The following PDE10A variants were observed in gnomAD, a reference collection of about 807,000 sequenced individuals.
The protein encoded by PDE10A is phosphodiesterase 10A, also known as cAMP and cAMP-inhibited cGMP 3',5'-cyclic phosphodiesterase 10A.
PDE10A carries 39 observed loss-of-function variants against 97.7 expected under a neutral mutation model. The ratio of observed to expected loss-of-function variants is 0.40; its 90% CI spans 0.31 to 0.52. PDE10A has a LOEUF of 0.52. PDE10A is among the 20% of genes least tolerant of loss of function. PDE10A has a pLI of 0.56. For missense variants in PDE10A, 731 were observed against 1,047.8 expected, an observed-to-expected ratio of 0.70 and a Z score of 4.17; for synonymous variants, 371 against 376.8, an observed-to-expected ratio of 0.98 and a Z score of 0.18.
intron 2 of PDE10A, among the ~76,000 whole-genome samples, chr6:165,494,271 A>T (rs796469904): frequency 4.6e-5 from 7 of 152,244 alleles, no homozygotes; most frequent in Admixed American, 1.3e-4. Context: ...GATTCCTTAA[A>T]GAACTAAAAG....
intron 1 of PDE10A, among the ~76,000 whole-genome samples, chr6:165,681,719 C>T (rs1421083633): frequency 1.3e-5 from 2 of 152,150 alleles, no homozygotes; most frequent in African/African-American, 2.4e-5. Flanking sequence ...AATACACTGG[C>T]TGTTTACTCA....
intron 13 of PDE10A, among the ~76,000 whole-genome samples, chr6:165,412,178 T>C (rs80204409): frequency 0.022 from 3,368 of 152,210 alleles, 131 homozygotes; most frequent in African/African-American, 0.076. Flanking sequence ...ATCTTATAAA[T>C]AGAAATTATC....
chr6:165,399,485 GGTTT>G (rs1388650209), intron 13 of PDE10A, among the ~76,000 whole-genome samples: 9 of 152,102 alleles, frequency 5.9e-5, no homozygotes, highest in African/African-American at 1.9e-4. Flanking sequence ...ACAACGTGCA[GGTTT>G]GTTACATATG....
rs575268014 is a variant in PDE10A, at chr6:165,410,467, G to T, written c.2076+3034C>A. Among the ~76,000 whole-genome samples the T allele has an allele frequency of 7.8e-5, 11 of 140,358 alleles. No homozygotes were observed. The East Asian group carries it at 2.2e-3, about 28-fold the overall frequency. The allele number at this position is 140,358 out of a possible 152,430, so 92.1% of individuals were successfully genotyped here. ...CAAATTTCTCACTGTAACAAAAAAA[G>T]TTCCGAAGATGAAAATGAGATGGCT... On this transcript the variant is annotated intron_variant, in intron 13 of 21. Coordinates refer to ENST00000539869, the MANE Select transcript of PDE10A (RefSeq NM_001385079.1).
rs189468781 is a variant in PDE10A at position 165,374,452 on chromosome 6, T to C, written c.2783+4742A>G. 3.5e-3 allele frequency among the ~76,000 whole-genome samples: 537 copies of C among 151,838 alleles called. 7 individuals are homozygous for C. Among genetic ancestry groups the C allele is most frequent in the Non-Finnish European group, 3.0e-3 (203 of 67,948 alleles). Reference sequence around the variant, plus strand: ...TAATATCCTTAACAAAAATATAGAATAAAAGCTGATATATAAAAAAGTAAA... The same window carrying C: ...TAATATCCTTAACAAAAATATAGAACAAAAGCTGATATATAAAAAAGTAAA... On this transcript the variant is annotated intron_variant, in intron 18 of 21. Coordinates refer to ENST00000539869, the MANE Select transcript of PDE10A (RefSeq NM_001385079.1).
chr6:165,554,688 GT>G (rs555648167), intron 1 of PDE10A, among the ~76,000 whole-genome samples: 53 of 152,222 alleles, frequency 3.5e-4, no homozygotes, highest in South Asian at 2.7e-3. Context: ...AAGGAAATCA[GT>G]ATATCGATGA....
At chr6:165,678,577 C>T (rs911965434) in intron 1 of PDE10A, among the ~76,000 whole-genome samples, 49 of 152,178 alleles carry the variant, frequency 3.2e-4, no homozygotes, top group African/African-American at 1.1e-3. Context: ...TTCTATTCTG[C>T]CCGCCGCTTG....
intron 2 of PDE10A, among the ~76,000 whole-genome samples, chr6:165,531,628 T>C (rs1044173366): frequency 3.9e-5 from 6 of 152,224 alleles, no homozygotes; most frequent in Admixed American, 3.3e-4. Flanking sequence ...TAAAAAACAG[T>C]ATTTACAAGA....
intron 1 of PDE10A, among the ~76,000 whole-genome samples, chr6:165,747,083 A>C (rs142856807): frequency 6.6e-6 from 1 of 152,346 alleles, no homozygotes; most frequent in East Asian, 1.9e-4. Flanking sequence ...GTTCAATAAA[A>C]CTTGGAAGAT....
At chr6:165,608,282 G>A (rs1398242101) in intron 1 of PDE10A, among the ~76,000 whole-genome samples, 4 of 93,412 alleles carry the variant, frequency 4.3e-5, no homozygotes, top group East Asian at 6.9e-4. Flanking sequence ...CACAACAGGC[G>A]CCAGTGTGTG....
chr6:165,712,383 G>C (rs965564017), intron 1 of PDE10A, among the ~76,000 whole-genome samples: 1 of 152,148 alleles, frequency 6.6e-6, no homozygotes, highest in Non-Finnish European at 1.5e-5. Flanking sequence ...TGTGCTGTGG[G>C]GCTCGTCTGA....
intron 1 of PDE10A, among the ~76,000 whole-genome samples, chr6:165,674,617 T>A (rs965509971): frequency 6.6e-6 from 1 of 152,182 alleles, no homozygotes; most frequent in Non-Finnish European, 1.5e-5. Flanking sequence ...AATGATCTTT[T>A]CGCCTAACTC....
At chr6:165,793,958 T>A (rs1778734545) in intron 1 of PDE10A, among the ~76,000 whole-genome samples, 1 of 152,190 alleles carries the variant, frequency 6.6e-6, no homozygotes, top group African/African-American at 2.4e-5. Context: ...AGGTATTATG[T>A]TTCTTTTACA....
At chr6:165,722,885 C>T (rs538231852) in intron 1 of PDE10A, among the ~76,000 whole-genome samples, 1,586 of 147,156 alleles carry the variant, frequency 0.011, 28 homozygotes, top group African/African-American at 0.039. Context: ...TATATATATA[C>T]ACACACACAC....
At position 165,703,997 on chromosome 6, in the gene PDE10A, C is replaced by A. The variant is rs139179876; in HGVS notation, c.-614-160429G>T. 5.3e-5 allele frequency among the ~76,000 whole-genome samples: 8 copies of A among 152,302 alleles called. No individual in the cohort carries two copies. In the South Asian group the frequency reaches 1.5e-3, roughly 28 times the overall value. ...GCTTCCAGCATTTTCTTTTCCCACA[C>A]GTTTTTCAAGGCTGCCGTACACACG... On this transcript the variant is annotated intron_variant, in intron 1 of 19. Coordinates refer to the PDE10A transcript ENST00000366882.
At chr6:165,881,546 G>T (rs905654256) in intron 1 of PDE10A, among the ~76,000 whole-genome samples, 2 of 147,592 alleles carry the variant, frequency 1.4e-5, no homozygotes, top group African/African-American at 5.0e-5. Context: ...CTACAGGTGC[G>T]CACCACCATG....
At chr6:165,635,736 AAC>A (rs1278967794) in intron 1 of PDE10A, among the ~76,000 whole-genome samples, 1 of 152,228 alleles carries the variant, frequency 6.6e-6, no homozygotes, top group African/African-American at 2.4e-5. Flanking sequence ...GACTATCGTA[AAC>A]ACAGCGTGAA....
upstream of PDE10A, among the ~76,000 whole-genome samples, chr6:165,668,074 A>G (rs2085246636): frequency 6.6e-6 from 1 of 152,240 alleles, no homozygotes. Flanking sequence ...CAAGTCAAAT[A>G]TATCAATTGT....
At chr6:165,749,428 C>CCACCAT (rs1445717362) in intron 1 of PDE10A, among the ~76,000 whole-genome samples, 1 of 59,676 alleles carries the variant, frequency 1.7e-5, no homozygotes, top group Admixed American at 1.7e-4. Context: ...ATCACCATCA[C>CCACCAT]CACCATCACC....
Sources: allele counts gnomAD v4.1 joint callset (sites outside exome capture counted in the v4.1 genomes callset), GRCh38; gene constraint gnomAD v4.1.1; transcripts MANE v1.5; gene names NCBI Gene and HGNC (gene_info 2026-07-23, HGNC 2026-07-21).